EPAS1: variants seen among roughly 807,000 people sequenced by gnomAD.
The protein encoded by EPAS1 is endothelial PAS domain protein 1.
EPAS1 carries 23 observed loss-of-function variants against 87.9 expected under a neutral mutation model. The ratio of observed to expected loss-of-function variants is 0.26; its 90% CI spans 0.19 to 0.37. The LOEUF is 0.37. Among genes scored for constraint, EPAS1 ranks in the 10% least tolerant of loss-of-function variants. The pLI is 1.00. For synonymous variants in EPAS1, 508 were observed against 444.3 expected, an observed-to-expected ratio of 1.14 and a Z score of -1.80; for missense variants, 1,138 against 1,120.7, an observed-to-expected ratio of 1.02 and a Z score of -0.22.
In EPAS1 at chr2:46,360,631, C is replaced by T. The variant is rs750004234; in HGVS notation, c.455-7C>T. The stretch of plus-strand genomic sequence containing the variant: ...TCAGCTGGTTCTTCCCATCCTTCCA[C>T]ATCCAGGCTCTGGTTTTGGGAAAAA... On this transcript the variant is annotated splice_region_variant and splice_polypyrimidine_tract_variant and intron_variant, in intron 4 of 15. Coordinates refer to ENST00000263734, the MANE Select transcript of EPAS1 (RefSeq NM_001430.5). This position sits in a 1 kb window ranked among gnomAD's most constrained non-coding sequence, Gnocchi z 4.5. 6 of 1,612,578 alleles carry T rather than the reference C, an allele frequency of 3.7e-6. No individual in the cohort carries two copies. In the South Asian group the frequency reaches 4.4e-5, roughly 12 times the overall value.
intron 1 of EPAS1, among the ~76,000 whole-genome samples, chr2:46,325,372 C>T (rs146785248): frequency 3.9e-5 from 6 of 152,254 alleles, no homozygotes; most frequent in South Asian, 2.1e-4. Context: ...AAAATTCTGC[C>T]GATGTGGGCA....
At chr2:46,299,138 G>A (rs560187062) in intron 1 of EPAS1, among the ~76,000 whole-genome samples, 1 of 152,350 alleles carries the variant, frequency 6.6e-6, no homozygotes, top group Non-Finnish European at 1.5e-5. Context: ...AGGTTGATTT[G>A]CTCTTGTTCC....
rs543510185 is a variant in EPAS1 at position 46,315,340 on chromosome 2, G to A, written c.26+17403G>A. ...TGAAGTCATGTTGTACAGAGGGGGC[G>A]GGGGTGCATACTGTGGGACGGAGGT... On this transcript the variant is annotated intron_variant, in intron 1 of 15. Transcript: ENST00000263734. Among the ~76,000 whole-genome samples the A allele has an allele frequency of 8.5e-5, 13 of 152,290 alleles. No homozygotes were observed. In the South Asian group the frequency reaches 2.3e-3, roughly 27 times the overall value.
intron 1 of EPAS1, among the ~76,000 whole-genome samples, chr2:46,316,295 G>A (rs553024213): frequency 2.2e-4 from 33 of 149,800 alleles, no homozygotes; most frequent in South Asian, 4.2e-4. Context: ...GTTTCACTCC[G>A]TTGCACAGAC....
At chr2:46,359,015 C>T (rs1027182752) in intron 4 of EPAS1, among the ~76,000 whole-genome samples, 6 of 152,058 alleles carry the variant, frequency 3.9e-5, no homozygotes, top group African/African-American at 1.2e-4. Flanking sequence ...AATCCCAGGA[C>T]TTTCGGAGGC....
chr2:46,370,839 G>A lies in EPAS1; in HGVS notation c.886+906G>A, dbSNP rs181527634. ...CAGGACCGTTCCCTTGAATCCATGC[G>A]ACTCATCACTGTGCAAGGGCTCTGG... On this transcript the variant is annotated intron_variant, in intron 7 of 15. Coordinates refer to ENST00000263734, the MANE Select transcript of EPAS1 (RefSeq NM_001430.5). Among the ~76,000 whole-genome samples the A allele has an allele frequency of 4.5e-3, 692 of 152,238 alleles. 4 individuals carry two copies. Among genetic ancestry groups the A allele is most frequent in the Non-Finnish European group, 7.2e-3 (493 of 68,006 alleles).
At chr2:46,383,081 C>G (rs145429617) in intron 15 of EPAS1, among the ~76,000 whole-genome samples, 2 of 152,200 alleles carry the variant, frequency 1.3e-5, no homozygotes, top group Non-Finnish European at 2.9e-5. Flanking sequence ...CAAGGATGAG[C>G]TTGCTGCGTG....
At chr2:46,355,494 G>A (rs1394551352) in intron 2 of EPAS1, among the ~76,000 whole-genome samples, 2 of 152,186 alleles carry the variant, frequency 1.3e-5, no homozygotes, top group African/African-American at 4.8e-5. Flanking sequence ...CACTTCATCT[G>A]TAAAATGAGA....
At chr2:46,325,926 A>G (rs555071686) in intron 1 of EPAS1, among the ~76,000 whole-genome samples, 24 of 152,330 alleles carry the variant, frequency 1.6e-4, no homozygotes, top group Admixed American at 1.4e-3. Flanking sequence ...GAAGAGGGAA[A>G]GTAGCTAAGC....
At chr2:46,330,500 C>T (rs1683653072) in intron 1 of EPAS1, among the ~76,000 whole-genome samples, 1 of 152,194 alleles carries the variant, frequency 6.6e-6, no homozygotes, top group Non-Finnish European at 1.5e-5. Context: ...TGAGGTTTGT[C>T]AGAAGTTCTC....
chr2:46,352,874 C>A (rs1420593083), intron 2 of EPAS1, among the ~76,000 whole-genome samples: 1 of 152,222 alleles, frequency 6.6e-6, no homozygotes. Flanking sequence ...CCAGCTGACC[C>A]GATGCTGCTG....
In EPAS1 at chr2:46,324,532, T is replaced by C. The variant is rs566924301; in HGVS notation, c.27-22341T>C. Among the ~76,000 whole-genome samples, 34 of 152,320 alleles carry C rather than the reference T, an allele frequency of 2.2e-4. 2 individuals carry two copies. The East Asian group carries it at 5.8e-3, about 26-fold the overall frequency. On this transcript the variant is annotated intron_variant, in intron 1 of 15. Coordinates refer to ENST00000263734, the MANE Select transcript of EPAS1 (RefSeq NM_001430.5). The stretch of plus-strand genomic sequence containing the variant: ...GGGAACAGTAACCCTGAGAACAGAC[T>C]GGTTTAAGGCCATCTCTGGCCAAAC...
chr2:46,376,124 T>C (rs1684741681), intron 8 of EPAS1, among the ~76,000 whole-genome samples: 1 of 151,820 alleles, frequency 6.6e-6, no homozygotes, highest in Non-Finnish European at 1.5e-5. Context: ...CAATAGTCAA[T>C]ATTTTCTGAA....
chr2:46,375,866 G>A lies in EPAS1; in HGVS notation c.1034+29G>A, dbSNP rs554467731. 6 of 1,613,988 alleles carry A rather than the reference G, an allele frequency of 3.7e-6. No homozygotes were observed. The highest frequency in any genetic ancestry group is 5.1e-6 in the Non-Finnish European group (6 of 1,180,014). On this transcript the variant is annotated intron_variant, in intron 8 of 15. Transcript: ENST00000263734. The surrounding 1 kb of genome is among the most constrained non-coding windows in gnomAD (Gnocchi z 4.1). Reference sequence around the variant, plus strand: ...AGCATGTGAGGGCTGGCGGGCCTTGGTGCAGGGTATGTGGGGGTGCCCAAG... The same window carrying A: ...AGCATGTGAGGGCTGGCGGGCCTTGATGCAGGGTATGTGGGGGTGCCCAAG...
intron 1 of EPAS1, among the ~76,000 whole-genome samples, chr2:46,314,890 G>T (rs539226686): frequency 3.3e-4 from 50 of 152,188 alleles, no homozygotes; most frequent in Non-Finnish European, 5.7e-4. Context: ...GGTACGAGAA[G>T]GTGGGCTGCC....
At chr2:46,322,830 G>A (rs187231434) in intron 1 of EPAS1, among the ~76,000 whole-genome samples, 45 of 152,262 alleles carry the variant, frequency 3.0e-4, no homozygotes, top group Admixed American at 1.6e-3. Flanking sequence ...CCACCCCCAC[G>A]ACAGGCAATA....
chr2:46,363,017 G>GTGGTGATGATGA (rs1410002978), intron 6 of EPAS1, among the ~76,000 whole-genome samples: 15 of 144,258 alleles, frequency 1.0e-4, no homozygotes, highest in Non-Finnish European at 1.5e-4. Flanking sequence ...GGTGGTGGTG[G>GTGGTGATGATGA]TGATAATGAT....
At chr2:46,338,577 G>T (rs1178002990) in intron 1 of EPAS1, among the ~76,000 whole-genome samples, 1 of 152,222 alleles carries the variant, frequency 6.6e-6, no homozygotes, top group African/African-American at 2.4e-5. Context: ...AAGATGGAAA[G>T]AACACTTTAT....
At chr2:46,379,823 C>CA (rs1253019765) in intron 11 of EPAS1, 38 of 272,770 alleles carry the variant, frequency 1.4e-4, no homozygotes, top group East Asian at 7.7e-4. Context: ...GAGAAGAGGA[C>CA]AAAAAAAAGC....
Sources: gnomAD v4.1 joint callset for allele counts (sites outside exome capture counted in the v4.1 genomes callset) on GRCh38, gnomAD v4.1.1 for gene constraint, Gnocchi (gnomAD v3.1) non-coding constraint, MANE v1.5 for transcripts, NCBI Gene and HGNC (gene_info 2026-07-23, HGNC 2026-07-21) for gene names.